SUCLG2: variants seen among roughly 807,000 people sequenced by gnomAD.
The protein encoded by SUCLG2 is succinate-CoA ligase GDP-forming subunit beta, also known as succinate--CoA ligase [GDP-forming] subunit beta, mitochondrial.
SUCLG2 carries 42 observed loss-of-function variants against 47.9 expected under a neutral mutation model. That is an observed-to-expected ratio of 0.88 (90% CI 0.69 to 1.14). The LOEUF is 1.14. SUCLG2 is among the 50% of genes most tolerant of loss of function. The pLI, the probability that SUCLG2 is intolerant of heterozygous loss-of-function variation, is 0.00. For missense variants in SUCLG2, 571 were observed against 525.9 expected (o/e 1.09, Z -0.84); for synonymous variants, 195 against 197.3 (o/e 0.99, Z 0.10).
intron 2 of SUCLG2, among the ~76,000 whole-genome samples, chr3:67,578,582 T>C (rs1340988932): frequency 1.3e-5 from 2 of 151,852 alleles, no homozygotes; most frequent in Non-Finnish European, 2.9e-5. Context: ...AGGAAAGGAA[T>C]GCAAAATGGG....
intron 1 of SUCLG2, among the ~76,000 whole-genome samples, chr3:67,646,860 C>A (rs1282445276): frequency 6.6e-6 from 1 of 152,116 alleles, no homozygotes; most frequent in Non-Finnish European, 1.5e-5. Context: ...ACCCTCTCCA[C>A]ACTATATCCA....
intron 9 of SUCLG2, among the ~76,000 whole-genome samples, chr3:67,401,872 C>A (rs980874429): frequency 6.6e-6 from 1 of 152,228 alleles, no homozygotes; most frequent in Non-Finnish European, 1.5e-5. Flanking sequence ...GAATATCTTA[C>A]ATTTGTATAG....
At chr3:67,534,402 T>C (rs1487232854) in intron 2 of SUCLG2, among the ~76,000 whole-genome samples, 1 of 152,090 alleles carries the variant, frequency 6.6e-6, no homozygotes, top group Non-Finnish European at 1.5e-5. Context: ...TAAAGTTTAT[T>C]AAATCACAGT....
intron 2 of SUCLG2, among the ~76,000 whole-genome samples, chr3:67,575,068 A>G (rs1707710066): frequency 6.6e-6 from 1 of 152,230 alleles, no homozygotes; most frequent in African/African-American, 2.4e-5. Context: ...GTTAGTGAGG[A>G]TATAAAGAAA....
intron 9 of SUCLG2, among the ~76,000 whole-genome samples, chr3:67,483,801 G>A (rs773847996): frequency 2.0e-5 from 3 of 152,246 alleles, no homozygotes; most frequent in South Asian, 2.1e-4. Flanking sequence ...TGACATGCTG[G>A]AGAACACCCC....
chr3:67,480,089 G>A (rs1357196774), intron 9 of SUCLG2, among the ~76,000 whole-genome samples: 1 of 152,114 alleles, frequency 6.6e-6, no homozygotes, highest in South Asian at 2.1e-4. Flanking sequence ...TAACAGAGGT[G>A]AGCTCTGGGC....
At chr3:67,367,910 T>C (rs573488182) in intron 10 of SUCLG2, among the ~76,000 whole-genome samples, 21 of 152,300 alleles carry the variant, frequency 1.4e-4, no homozygotes, top group African/African-American at 5.1e-4. Flanking sequence ...TATAAACACA[T>C]TTAAAATTAG....
chr3:67,544,176 T>C (rs1706799469), intron 2 of SUCLG2, among the ~76,000 whole-genome samples: 1 of 152,230 alleles, frequency 6.6e-6, no homozygotes. Flanking sequence ...AAATTTTTAA[T>C]TTATAATAAG....
chr3:67,449,476 T>C (rs1236795136), intron 9 of SUCLG2, among the ~76,000 whole-genome samples: 1 of 151,672 alleles, frequency 6.6e-6, no homozygotes, highest in Non-Finnish European at 1.5e-5. Context: ...AAACAATTAG[T>C]CCAGTCCTTT....
At chr3:67,472,548 A>C (rs991497474) in intron 9 of SUCLG2, among the ~76,000 whole-genome samples, 18 of 152,174 alleles carry the variant, frequency 1.2e-4, no homozygotes, top group Admixed American at 1.3e-4. Context: ...TATTTACTTT[A>C]ATTATATGCA....
intron 1 of SUCLG2, among the ~76,000 whole-genome samples, chr3:67,613,745 A>G (rs995435456): frequency 6.6e-6 from 1 of 152,250 alleles, no homozygotes; most frequent in African/African-American, 2.4e-5. Flanking sequence ...ACAAATTAGG[A>G]AACGGGCTGA....
At chr3:67,360,487 G>T in exon 11 of SUCLG2, 1 of 801,152 alleles carries the variant, frequency 1.2e-6, no homozygotes, top group Non-Finnish European at 1.8e-6. Context: ...TATTTTTGGT[G>T]AATGAACAGC....
At chr3:67,373,456 C>T (rs1701980407), downstream of SUCLG2, among the ~76,000 whole-genome samples, 1 of 152,040 alleles carries the variant, frequency 6.6e-6, no homozygotes, top group Non-Finnish European at 1.5e-5. Flanking sequence ...ATCAAAAACA[C>T]TGATTACAAC....
Position 67,422,179 on chromosome 3 carries a change from AAAAG to A in SUCLG2, c.1063-21332_1063-21329del, listed in dbSNP as rs1342289014. Among the ~76,000 whole-genome samples the A allele has an allele frequency of 2.2e-3, 337 of 152,204 alleles. 1 individual carries two copies. The highest frequency in any genetic ancestry group is 7.7e-3 in the African/African-American group (319 of 41,524). On this transcript the variant is annotated intron_variant, in intron 9 of 10. Coordinates refer to ENST00000307227, the MANE Select transcript of SUCLG2 (RefSeq NM_003848.4). ...ATAAAGTATGACAGGGAAGTTTAAA[AAAAG>A]AACATTCAGGCTGGGCACAGTGGCT...
intron 9 of SUCLG2, among the ~76,000 whole-genome samples, chr3:67,434,536 T>C (rs1161256497): frequency 2.0e-5 from 3 of 151,946 alleles, no homozygotes; most frequent in South Asian, 2.1e-4. Context: ...ACAACAACAA[T>C]AACAACAATG....
chr3:67,515,289 G>A (rs933471391), intron 6 of SUCLG2, among the ~76,000 whole-genome samples: 1 of 152,130 alleles, frequency 6.6e-6, no homozygotes, highest in Non-Finnish European at 1.5e-5. Flanking sequence ...ATAGGGTTTG[G>A]TAGTAGGTAA....
At chr3:67,472,231 G>A (rs6779999) in intron 9 of SUCLG2, among the ~76,000 whole-genome samples, 3,696 of 152,258 alleles carry the variant, frequency 0.024, 147 homozygotes, top group African/African-American at 0.084. Context: ...TGGAAAAGGT[G>A]ATGTCTAAAA....
intron 2 of SUCLG2, among the ~76,000 whole-genome samples, chr3:67,585,988 AAAAC>A (rs59617092): frequency 2.0e-5 from 1 of 49,428 alleles, no homozygotes; most frequent in African/African-American, 4.8e-5. Flanking sequence ...AAAAAAAAAA[AAAAC>A]CAAACCCACA....
At chr3:67,583,446 A>G (rs1051067822) in intron 2 of SUCLG2, among the ~76,000 whole-genome samples, 2 of 152,198 alleles carry the variant, frequency 1.3e-5, no homozygotes, top group African/African-American at 4.8e-5. Context: ...TTAATTTACC[A>G]TAAGATCTAG....
Sources: allele counts gnomAD v4.1 joint callset (sites outside exome capture counted in the v4.1 genomes callset), GRCh38; gene constraint gnomAD v4.1.1; transcripts MANE v1.5; gene names NCBI Gene and HGNC (gene_info 2026-07-23, HGNC 2026-07-21).